AP1S2: variants seen among roughly 807,000 people sequenced by gnomAD.
AP1S2 encodes adaptor related protein complex 1 subunit sigma 2.
In AP1S2, 1 loss-of-function variant was observed where a neutral mutation model predicts 14.3. The observed-to-expected ratio is 0.07, with a 90% CI of 0.02 to 0.33. The LOEUF is 0.33. Among genes scored for constraint, AP1S2 ranks in the 10% least tolerant of loss-of-function variants. AP1S2 has a pLI of 0.99. For missense variants in AP1S2, 30 were observed against 117.7 expected (o/e 0.25, Z 3.45); for synonymous variants, 30 against 40.5 (o/e 0.74, Z 0.99).
chrX:15,850,568 C>T (rs1934146895), intron 2 of AP1S2, among the ~76,000 whole-genome samples: 1 of 107,858 alleles, frequency 9.3e-6, no homozygotes, highest in East Asian at 2.9e-4. Flanking sequence ...CACTAAGTTG[C>T]CAGGGCTGGA....
At chrX:15,850,076 G>A (rs1250718252) in intron 2 of AP1S2, among the ~76,000 whole-genome samples, 2 of 111,358 alleles carry the variant, frequency 1.8e-5, no homozygotes, top group South Asian at 3.8e-4. Flanking sequence ...TCTGGCATTG[G>A]TGAAATTTCT....
At chrX:15,854,623 C>G (rs901852766) in intron 1 of AP1S2, 65 bp downstream of exon 1, 1 of 494,661 alleles carries the variant, frequency 2.0e-6, no homozygotes. Context: ...TGGCGGGGGG[C>G]GCGCCCAGTC....
At chrX:15,848,061 T>C (rs989271045) in intron 2 of AP1S2, among the ~76,000 whole-genome samples, 4 of 111,748 alleles carry the variant, frequency 3.6e-5, no homozygotes, top group Non-Finnish European at 7.5e-5. Flanking sequence ...GAAGCATTAA[T>C]TTAAAAATCA....
rs771481800 is a variant in AP1S2, at chrX:15,830,178, G to A, written c.427-1978C>T. 2 of 749,381 alleles carry A rather than the reference G, an allele frequency of 2.7e-6. 1 individual carries two copies. Among genetic ancestry groups the A allele is most frequent in the South Asian group, 1.4e-4 (2 of 14,625 alleles). The allele number at this position is 749,381 out of a possible 1,213,427, so 61.8% of individuals were successfully genotyped here. On this transcript the variant is annotated intron_variant, in intron 4 of 5. Transcript: ENST00000672987. ...AACATTTTGTTACAGCTTAGCACAA[G>A]GCATCCAACACAAACAGGCATGAGA...
chrX:15,852,760 G>T, intron 1 of AP1S2: 1 of 517,296 alleles, frequency 1.9e-6, no homozygotes, highest in Non-Finnish European at 2.4e-6. Context: ...GGAGTGTGCA[G>T]GAGAAAAAAG....
chrX:15,834,611 G>A (rs1933567490), intron 4 of AP1S2, among the ~76,000 whole-genome samples: 1 of 96,481 alleles, frequency 1.0e-5, no homozygotes, highest in Admixed American at 1.2e-4. Flanking sequence ...GAGTAGCTGG[G>A]ATTACAGGCA....
At chrX:15,839,577 CTCAA>C (rs958663843) in intron 4 of AP1S2, among the ~76,000 whole-genome samples, 1 of 108,211 alleles carries the variant, frequency 9.2e-6, no homozygotes, top group African/African-American at 3.4e-5. Context: ...ACCTCCAGGG[CTCAA>C]TCAATCCTCT....
At chrX:15,854,654 T>C (rs1447438407) in intron 1 of AP1S2, 34 bp downstream of exon 1, 2 of 258,599 alleles carry the variant, frequency 7.7e-6, no homozygotes, top group Non-Finnish European at 1.1e-5. Context: ...CTCTCCCCCA[T>C]CCCCGGCGCC....
chrX:15,839,204 T>C (rs1933748256), intron 4 of AP1S2, among the ~76,000 whole-genome samples: 1 of 112,161 alleles, frequency 8.9e-6, no homozygotes, highest in African/African-American at 3.2e-5. Context: ...ATAAAAAAAC[T>C]AAAGTACGCT....
At chrX:15,847,963 C>T (rs1934049032) in intron 2 of AP1S2, among the ~76,000 whole-genome samples, 1 of 111,794 alleles carries the variant, frequency 8.9e-6, no homozygotes, top group East Asian at 2.8e-4. Flanking sequence ...GTACCATCCT[C>T]GCTCCTTATC....
Position 15,826,249 on chromosome X carries a change from A to G in AP1S2, c.*1076T>C, listed in dbSNP as rs1279872909. The G allele has an allele frequency of 8.9e-6, 1 of 112,472 alleles. No homozygotes were observed. The highest frequency in any genetic ancestry group is 3.2e-5 in the African/African-American group (1 of 30,953). The allele number at this position is 112,472 out of a possible 1,213,427, so 9.3% of individuals were successfully genotyped here. A position where few individuals can be genotyped will look rare whatever the true frequency, so the allele number is the denominator to read the frequency against. ...GTACTTAGAAAAGTGACGCTGAACA[A>G]TTACATAGCTTTAAAAAATATAGAG... On this transcript the variant is annotated 3_prime_UTR_variant, in exon 6 of 6. Coordinates refer to ENST00000672987, the MANE Select transcript of AP1S2 (RefSeq NM_001272071.2).
intron 2 of AP1S2, among the ~76,000 whole-genome samples, chrX:15,848,450 A>C (rs1309066552): frequency 8.9e-6 from 1 of 111,820 alleles, no homozygotes; most frequent in Non-Finnish European, 1.9e-5. Context: ...AACTATAGCC[A>C]GCAATTGCAT....
intron 2 of AP1S2, among the ~76,000 whole-genome samples, chrX:15,851,935 G>A (rs1368760499): frequency 8.9e-6 from 1 of 112,119 alleles, no homozygotes; most frequent in Non-Finnish European, 1.9e-5. Context: ...TAAAAGGCAT[G>A]TCAAATATTA....
chrX:15,838,404 T>TA (rs752155741), intron 4 of AP1S2, among the ~76,000 whole-genome samples: 2 of 110,631 alleles, frequency 1.8e-5, no homozygotes, highest in East Asian at 2.8e-4. Flanking sequence ...TTTTTATTTT[T>TA]AAAAAAAGGC....
At chrX:15,849,944 T>C (rs1271102455) in intron 2 of AP1S2, among the ~76,000 whole-genome samples, 2 of 111,887 alleles carry the variant, frequency 1.8e-5, no homozygotes, top group Admixed American at 9.4e-5. Context: ...CTTCGCCCCA[T>C]TACATCGAGA....
intron 2 of AP1S2, 66 bp downstream of exon 2, chrX:15,852,280 T>C: frequency 3.0e-6 from 3 of 996,085 alleles, no homozygotes; most frequent in Non-Finnish European, 4.2e-6. Flanking sequence ...ATCACTGAAG[T>C]CTGCAATTTC....
intron 1 of AP1S2, 44 bp downstream of exon 1, chrX:15,854,644 C>T (rs1385501936): frequency 1.7e-6 from 1 of 592,630 alleles, no homozygotes; most frequent in South Asian, 8.1e-5. Flanking sequence ...CTCCCTCCCC[C>T]TCTCCCCCAT....
chrX:15,850,967 C>T lies in AP1S2; in HGVS notation c.179+1379G>A, dbSNP rs6632751. ...TATAAAATTGAAGTTTGATCAACAA[C>T]GGCAGTTTTCAAACTCAAGAACTGT... On this transcript the variant is annotated intron_variant, in intron 2 of 5. Coordinates refer to ENST00000672987, the MANE Select transcript of AP1S2 (RefSeq NM_001272071.2). Among the ~76,000 whole-genome samples the T allele has an allele frequency of 1.5e-4, 17 of 111,620 alleles. No individual in the cohort carries two copies. The South Asian group carries it at 2.2e-3, about 15-fold the overall frequency.
At chrX:15,844,177 C>A (rs1018383368) in intron 4 of AP1S2, among the ~76,000 whole-genome samples, 5 of 112,556 alleles carry the variant, frequency 4.4e-5, no homozygotes, top group Non-Finnish European at 9.4e-5. Flanking sequence ...GTGACTGATG[C>A]AGTGAGATTC....
Sources: allele counts gnomAD v4.1 joint callset (sites outside exome capture counted in the v4.1 genomes callset), GRCh38; gene constraint gnomAD v4.1.1; transcripts MANE v1.5; gene names NCBI Gene and HGNC (gene_info 2026-07-23, HGNC 2026-07-21).